The following PIK3C2A variants were observed in gnomAD, a reference collection of about 807,000 sequenced individuals.
PIK3C2A encodes phosphatidylinositol 4-phosphate 3-kinase C2 domain-containing subunit alpha.
In PIK3C2A, 97 loss-of-function variants were observed where a neutral mutation model predicts 204.5. The ratio of observed to expected loss-of-function variants is 0.47; its 90% CI spans 0.40 to 0.56. The LOEUF (loss-of-function observed/expected upper bound fraction) is 0.56, where lower values mean the gene tolerates loss of function less well. PIK3C2A is among the 20% of genes least tolerant of loss of function. The probability of loss-of-function intolerance (pLI) is 0.00; values close to 1 mark genes in which losing one functional copy is unlikely to be tolerated. For missense variants in PIK3C2A, 1,735 were observed against 1,969.2 expected (o/e 0.88, Z 2.25); for synonymous variants, 653 against 664.4 (o/e 0.98, Z 0.26).
chr11:17,119,736 A>C, intron 16 of PIK3C2A, 50 bp downstream of exon 16: 1 of 1,147,758 alleles, frequency 8.7e-7, no homozygotes, highest in African/African-American at 1.6e-5. Context: ...AACATACCTT[A>C]CTGGAAAAAC....
chr11:17,157,776 A>G (rs926059559), intron 2 of PIK3C2A, among the ~76,000 whole-genome samples: 2 of 152,226 alleles, frequency 1.3e-5, no homozygotes, highest in African/African-American at 4.8e-5. Context: ...TACCAATCAC[A>G]TATCAATCAA....
At chr11:17,113,970 C>T (rs1165396078) in intron 20 of PIK3C2A, among the ~76,000 whole-genome samples, 1 of 151,908 alleles carries the variant, frequency 6.6e-6, no homozygotes, top group East Asian at 1.9e-4. Context: ...GTCCCAGCTA[C>T]TCAGGAGGAT....
intron 8 of PIK3C2A, among the ~76,000 whole-genome samples, chr11:17,145,264 T>TC (rs1357699597): frequency 6.6e-6 from 1 of 151,880 alleles, no homozygotes; most frequent in Non-Finnish European, 1.5e-5. Context: ...TGGCTCTATG[T>TC]CCCCCCCAAA....
intron 1 of PIK3C2A, among the ~76,000 whole-genome samples, chr11:17,180,261 G>A (rs889497249): frequency 1.3e-5 from 2 of 152,038 alleles, no homozygotes; most frequent in African/African-American, 4.8e-5. Context: ...CATGTTACTC[G>A]GGAGTCTGAG....
intron 1 of PIK3C2A, among the ~76,000 whole-genome samples, chr11:17,184,194 G>A (rs1267408077): frequency 2.0e-5 from 3 of 149,062 alleles, no homozygotes; most frequent in African/African-American, 7.4e-5. Flanking sequence ...ATTTTTCATT[G>A]TTACTTTATA....
chr11:17,202,711 A>G (rs556614225), intron 1 of PIK3C2A, among the ~76,000 whole-genome samples: 2 of 152,344 alleles, frequency 1.3e-5, no homozygotes, highest in South Asian at 4.1e-4. Flanking sequence ...TATTTACCTC[A>G]CAGGTAATAA....
intron 17 of PIK3C2A, 37 bp downstream of exon 17, chr11:17,119,183 G>C: frequency 8.8e-7 from 1 of 1,137,276 alleles, no homozygotes. Flanking sequence ...AAACTAGAGT[G>C]AAAGTATAAA....
At chr11:17,207,584 A>C (rs1852630989) in intron 1 of PIK3C2A, among the ~76,000 whole-genome samples, 1 of 152,064 alleles carries the variant, frequency 6.6e-6, no homozygotes, top group Non-Finnish European at 1.5e-5. Flanking sequence ...TCCGCTCCCG[A>C]GAAGAGGGGC....
intron 1 of PIK3C2A, among the ~76,000 whole-genome samples, chr11:17,196,560 GA>G (rs1214293394): frequency 6.6e-6 from 1 of 151,944 alleles, no homozygotes; most frequent in Non-Finnish European, 1.5e-5. Flanking sequence ...TTTAGTTGGG[GA>G]GGATACTATT....
chr11:17,116,580 T>C (rs1280652171), intron 19 of PIK3C2A, among the ~76,000 whole-genome samples: 2 of 152,102 alleles, frequency 1.3e-5, no homozygotes, highest in African/African-American at 4.8e-5. Flanking sequence ...TACATGAATA[T>C]TCATAGCAGT....
At chr11:17,125,552 C>T (rs929287002) in intron 13 of PIK3C2A, among the ~76,000 whole-genome samples, 7 of 151,890 alleles carry the variant, frequency 4.6e-5, no homozygotes, top group African/African-American at 7.3e-5. Context: ...CTCGTTCTGT[C>T]GCCCAGGCTG....
chr11:17,200,148 T>G (rs1025475822), intron 1 of PIK3C2A, among the ~76,000 whole-genome samples: 2 of 151,626 alleles, frequency 1.3e-5, no homozygotes, highest in African/African-American at 2.4e-5. Flanking sequence ...ATCGCGCCAC[T>G]GCACTCCAGC....
At chr11:17,093,412 G>A (rs1040441981) in intron 28 of PIK3C2A, among the ~76,000 whole-genome samples, 1 of 151,906 alleles carries the variant, frequency 6.6e-6, no homozygotes, top group Non-Finnish European at 1.5e-5. Flanking sequence ...GACTACAGGC[G>A]CCTGCCACCA....
chr11:17,195,288 C>T (rs1404945317), intron 1 of PIK3C2A, among the ~76,000 whole-genome samples: 1 of 151,950 alleles, frequency 6.6e-6, no homozygotes, highest in Non-Finnish European at 1.5e-5. Flanking sequence ...TGGCAGGCGC[C>T]TGTAATCCCA....
intron 1 of PIK3C2A, among the ~76,000 whole-genome samples, chr11:17,190,017 C>T (rs1184962032): frequency 6.6e-6 from 1 of 151,880 alleles, no homozygotes; most frequent in East Asian, 1.9e-4. Flanking sequence ...GTAATCCCAG[C>T]ACTTTGGGAG....
chr11:17,105,333 A>T lies in PIK3C2A; in HGVS notation c.3545-28T>A, dbSNP rs756091358. On this transcript the variant is annotated intron_variant, in intron 22 of 32. Transcript: ENST00000691414. ...TTAATGATAAAATATTAAGCTATGT[A>T]AAACTGTCTCTCCAAAGTAAGCCTT... 8 of 1,566,088 alleles carry T rather than the reference A, an allele frequency of 5.1e-6. No homozygotes were observed. In the South Asian group the frequency reaches 8.3e-5, roughly 16 times the overall value.
chr11:17,087,226 CT>C lies in PIK3C2A; in HGVS notation c.*2511del. ...TTAGTGTCTTGGCCAGTTTGTTAAA[CT>C]TTTTTTAGATTTACTTTAATGTCAG... On this transcript the variant is annotated 3_prime_UTR_variant, in exon 33 of 33. Transcript: ENST00000691414. 1 of 152,190 alleles carries C rather than the reference CT, an allele frequency of 6.6e-6. No individual in the cohort carries two copies. Among genetic ancestry groups the C allele is most frequent in the South Asian group, 2.1e-4 (1 of 4,830 alleles). 9.4% of individuals were successfully genotyped at this position (152,190 alleles called of 1,614,324 possible). A position where few individuals can be genotyped will look rare whatever the true frequency, so the allele number is the denominator to read the frequency against.
At chr11:17,156,366 AC>A (rs1850591835) in intron 2 of PIK3C2A, among the ~76,000 whole-genome samples, 3 of 152,204 alleles carry the variant, frequency 2.0e-5, no homozygotes, top group Non-Finnish European at 2.9e-5. Flanking sequence ...GATTTCAATG[AC>A]TATGGCACAC....
chr11:17,135,677 ATGTGTGTGTG>A (rs35017690), intron 9 of PIK3C2A, among the ~76,000 whole-genome samples: 9,904 of 147,254 alleles, frequency 0.067, 409 homozygotes, highest in Non-Finnish European at 0.092. Flanking sequence ...AATTTCATAT[ATGTGTGTGTG>A]TGTGTGTGTG....
Sources: allele counts gnomAD v4.1 joint callset (sites outside exome capture counted in the v4.1 genomes callset), GRCh38; gene constraint gnomAD v4.1.1; transcripts MANE v1.5; gene names NCBI Gene and HGNC (gene_info 2026-07-23, HGNC 2026-07-21).